Variants in EPB41L5 observed in about 807,000 individuals in gnomAD.
EPB41L5 encodes band 4.1-like protein 5.
EPB41L5 carries 55 observed loss-of-function variants against 106.6 expected under a neutral mutation model. The observed-to-expected ratio is 0.52, with a 90% confidence interval of 0.42 to 0.65. The LOEUF (loss-of-function observed/expected upper bound fraction) is 0.65, where lower values mean the gene tolerates loss of function less well. EPB41L5 is among the 30% of genes least tolerant of loss of function. The pLI, the probability that EPB41L5 is intolerant of heterozygous loss-of-function variation, is 0.00. For missense variants in EPB41L5, 871 were observed against 882.1 expected (o/e 0.99, Z 0.16); for synonymous variants, 297 against 306.7 (o/e 0.97, Z 0.33).
At chr2:120,073,609 T>C (rs936992259) in intron 4 of EPB41L5, among the ~76,000 whole-genome samples, 1 of 152,216 alleles carries the variant, frequency 6.6e-6, no homozygotes, top group African/African-American at 2.4e-5. Flanking sequence ...ACATAAAATG[T>C]TAGTGTCATT....
chr2:120,019,043 TCCTGATGCCATC>T, intron 1 of EPB41L5, 22 bp from the exon 2 acceptor site: 1 of 1,555,770 alleles, frequency 6.4e-7, no homozygotes, highest in Non-Finnish European at 8.7e-7. Flanking sequence ...CTCATTTTTT[TCCTGATGCCATC>T]TTTTTCTCTC....
intron 16 of EPB41L5, chr2:120,101,716 C>T (rs1684152677): frequency 6.6e-6 from 1 of 152,176 alleles, no homozygotes; most frequent in East Asian, 1.9e-4. Context: ...TCAGTCTTTG[C>T]TATGTAATTA....
intron 3 of EPB41L5, among the ~76,000 whole-genome samples, chr2:120,061,168 G>A (rs4378814): frequency 0.69 from 101,960 of 148,140 alleles, 36,605 homozygotes; most frequent in Non-Finnish European, 0.79. Context: ...AGCCCCTCGA[G>A]TAGCCAGGAC....
At chr2:120,092,772 C>A (rs560788883) in intron 13 of EPB41L5, among the ~76,000 whole-genome samples, 1 of 152,304 alleles carries the variant, frequency 6.6e-6, no homozygotes, top group South Asian at 2.1e-4. Context: ...CTCTTGGTTT[C>A]CACTGATGAT....
intron 16 of EPB41L5, among the ~76,000 whole-genome samples, chr2:120,126,027 G>A (rs1410122367): frequency 1.3e-5 from 2 of 152,094 alleles, no homozygotes; most frequent in Non-Finnish European, 2.9e-5. Context: ...CTCCCTATGT[G>A]TATCTGTGTC....
At chr2:120,074,435 C>A in intron 5 of EPB41L5, 1 of 332,216 alleles carries the variant, frequency 3.0e-6, no homozygotes, top group Non-Finnish European at 5.4e-6. Flanking sequence ...AAGTATCACT[C>A]TCAACTCAGG....
intron 16 of EPB41L5, among the ~76,000 whole-genome samples, chr2:120,107,210 C>A (rs549944290): frequency 2.6e-5 from 4 of 151,868 alleles, no homozygotes; most frequent in African/African-American, 9.7e-5. Flanking sequence ...GTGGTGGGAG[C>A]TATAGTTGTT....
In EPB41L5 at chr2:120,051,014, T is replaced by C. The variant is rs11520489; in HGVS notation, c.285+8904T>C. Among the ~76,000 whole-genome samples the C allele has an allele frequency of 7.2e-3, 1,104 of 152,336 alleles. 9 individuals are homozygous for C. The highest frequency in any genetic ancestry group is 0.01 in the Non-Finnish European group (697 of 68,032). ...AAATGTTGCTGCCTGATCGTTCCTC[T>C]GGAAGCTTCGTCTTAGAGGGGTACC... is the stretch of plus-strand genomic sequence containing the variant. On this transcript the variant is annotated intron_variant, in intron 3 of 24. Transcript: ENST00000263713.
intron 3 of EPB41L5, among the ~76,000 whole-genome samples, chr2:120,049,633 T>C (rs1680079791): frequency 6.6e-6 from 1 of 152,328 alleles, no homozygotes; most frequent in African/African-American, 2.4e-5. Context: ...CCAGTCTGTG[T>C]CTTTTAATTG....
In EPB41L5 at chr2:120,106,076, A is replaced by G. The variant is rs561102507; in HGVS notation, c.1337+5262A>G. On this transcript the variant is annotated intron_variant, in intron 16 of 24. Coordinates refer to ENST00000263713, the MANE Select transcript of EPB41L5 (RefSeq NM_020909.4). ...AATTGAAGAGTAAGATCTTCAGTTC[A>G]TATTGAAAGTGGCCATTTCTGTATT... 2.8e-4 allele frequency: 277 copies of G among 985,016 alleles called. 1 individual carries two copies. The African/African-American group carries it at 4.5e-3, about 16-fold the overall frequency. The allele number at this position is 985,016 out of a possible 1,614,324, so 61.0% of individuals were successfully genotyped here.
intron 20 of EPB41L5, among the ~76,000 whole-genome samples, chr2:120,147,598 G>A (rs1041594332): frequency 5.6e-5 from 8 of 144,080 alleles, no homozygotes; most frequent in East Asian, 2.0e-4. Context: ...GCACTCCAGC[G>A]TGGGCAACAG....
intron 18 of EPB41L5, among the ~76,000 whole-genome samples, chr2:120,142,259 C>T (rs911829898): frequency 1.3e-5 from 2 of 151,760 alleles, no homozygotes; most frequent in Non-Finnish European, 2.9e-5. Flanking sequence ...CTTCGGTTTT[C>T]TCTTGACCTA....
intron 2 of EPB41L5, among the ~76,000 whole-genome samples, chr2:120,027,545 T>G (rs1366449062): frequency 6.6e-6 from 1 of 151,880 alleles, no homozygotes; most frequent in African/African-American, 2.4e-5. Flanking sequence ...ACTGACAGGG[T>G]GGTAGGGGTT....
intron 16 of EPB41L5, chr2:120,106,060 G>T: frequency 1.0e-6 from 1 of 983,658 alleles, no homozygotes; most frequent in Middle Eastern, 5.2e-4. Context: ...TAATTGAAGA[G>T]TAAGATCTTC....
intron 2 of EPB41L5, among the ~76,000 whole-genome samples, chr2:120,024,403 T>G (rs1229117187): frequency 6.6e-6 from 1 of 152,214 alleles, no homozygotes; most frequent in Non-Finnish European, 1.5e-5. Flanking sequence ...TTGTTGAATT[T>G]TATCAAAGGT....
At chr2:120,150,176 T>C (rs1393373963) in intron 20 of EPB41L5, among the ~76,000 whole-genome samples, 1 of 152,090 alleles carries the variant, frequency 6.6e-6, no homozygotes, top group Non-Finnish European at 1.5e-5. Context: ...AAATTACAGG[T>C]GGGAGCCACC....
chr2:120,166,754 G>C (rs1687431173), intron 22 of EPB41L5, among the ~76,000 whole-genome samples: 1 of 152,146 alleles, frequency 6.6e-6, no homozygotes, highest in Admixed American at 6.5e-5. Flanking sequence ...TATTCTTTTG[G>C]TGGTTATCTA....
At chr2:120,097,457 T>C (rs1394653533) in intron 14 of EPB41L5, among the ~76,000 whole-genome samples, 1 of 152,232 alleles carries the variant, frequency 6.6e-6, no homozygotes, top group Non-Finnish European at 1.5e-5. Flanking sequence ...TTTTGTAAAA[T>C]GCCCATTTGA....
At chr2:120,048,357 AG>A (rs1679972016) in intron 3 of EPB41L5, among the ~76,000 whole-genome samples, 1 of 152,110 alleles carries the variant, frequency 6.6e-6, no homozygotes, top group Non-Finnish European at 1.5e-5. Flanking sequence ...TGATCTATTC[AG>A]GGATTCAGCT....
Sources: gnomAD v4.1 joint callset for allele counts (sites outside exome capture counted in the v4.1 genomes callset) on GRCh38, gnomAD v4.1.1 for gene constraint, MANE v1.5 for transcripts, NCBI Gene and HGNC (gene_info 2026-07-23, HGNC 2026-07-21) for gene names.